Variants in GNG7 observed in about 807,000 individuals in gnomAD.
GNG7 encodes the protein guanine nucleotide-binding protein G(I)/G(S)/G(O) subunit gamma-7.
GNG7 carries 1 observed loss-of-function variant against 4.0 expected under a neutral mutation model. That is an observed-to-expected ratio of 0.25 (90% confidence interval 0.09 to 1.18). The LOEUF is 1.18. Among genes scored for constraint, GNG7 ranks in the 50% most tolerant of loss-of-function variants. GNG7 has a pLI of 0.50. For missense variants in GNG7, 86 were observed against 91.9 expected (o/e 0.94, Z 0.26); for synonymous variants, 34 against 36.9 (o/e 0.92, Z 0.29).
In GNG7 at chr19:2,625,109, G is replaced by A. The variant is rs150559433; in HGVS notation, c.-78+21115C>T. Among the ~76,000 whole-genome samples the A allele has an allele frequency of 9.1e-4, 138 of 152,198 alleles. No homozygotes were observed. In the East Asian group the frequency reaches 0.02, roughly 22 times the overall value. On this transcript the variant is annotated intron_variant, in intron 2 of 4. Transcript: ENST00000382159. ...TTTTGAGACAAGATCTTGCTCTGTC[G>A]CCAGGCTGGAGTGCAGTGGTGCGAT...
intron 2 of GNG7, among the ~76,000 whole-genome samples, chr19:2,602,602 C>A (rs924646323): frequency 6.6e-6 from 1 of 152,248 alleles, no homozygotes; most frequent in African/African-American, 2.4e-5. Context: ...GATCTCCAAC[C>A]GGGCCCCGGA....
chr19:2,553,304 A>C (rs960388577), intron 3 of GNG7, among the ~76,000 whole-genome samples: 1 of 150,748 alleles, frequency 6.6e-6, no homozygotes, highest in Non-Finnish European at 1.5e-5. Flanking sequence ...TCCTAGAAAA[A>C]CGCGAATGAA....
intron 2 of GNG7, among the ~76,000 whole-genome samples, chr19:2,600,296 T>C (rs1981160610): frequency 6.6e-6 from 1 of 151,670 alleles, no homozygotes; most frequent in South Asian, 2.1e-4. Flanking sequence ...AATAGTGGCA[T>C]TGTTTTACAT....
chr19:2,568,078 T>C (rs1162200385), intron 2 of GNG7, among the ~76,000 whole-genome samples: 2 of 148,458 alleles, frequency 1.3e-5, no homozygotes, highest in African/African-American at 5.0e-5. Flanking sequence ...TACACACATA[T>C]ACACATGCAC....
At chr19:2,616,736 C>G (rs558477124) in intron 2 of GNG7, among the ~76,000 whole-genome samples, 1 of 151,968 alleles carries the variant, frequency 6.6e-6, no homozygotes, top group Non-Finnish European at 1.5e-5. Context: ...GCCGAGATCA[C>G]GCCATCGCAC....
At chr19:2,669,967 G>A (rs1283907791) in intron 1 of GNG7, among the ~76,000 whole-genome samples, 6 of 147,970 alleles carry the variant, frequency 4.1e-5, no homozygotes, top group Admixed American at 1.4e-4. Context: ...CTGAGATCGC[G>A]CCAATGCACT....
chr19:2,663,977 G>A (rs1983241815), intron 1 of GNG7, among the ~76,000 whole-genome samples: 1 of 152,184 alleles, frequency 6.6e-6, no homozygotes, highest in Admixed American at 6.5e-5. Flanking sequence ...AATGTCCCCA[G>A]ACATTACCAG....
At chr19:2,646,708 A>G (rs1163727669) in intron 1 of GNG7, among the ~76,000 whole-genome samples, 2 of 151,972 alleles carry the variant, frequency 1.3e-5, no homozygotes, top group Non-Finnish European at 2.9e-5. Flanking sequence ...ATAGAAAAGG[A>G]AAAAAGCAGA....
intron 2 of GNG7, among the ~76,000 whole-genome samples, chr19:2,629,142 A>T (rs757095317): frequency 3.9e-5 from 6 of 152,236 alleles, no homozygotes; most frequent in Non-Finnish European, 5.9e-5. Flanking sequence ...CACAGAGAAA[A>T]CAGCAAAGAA....
At chr19:2,570,127 C>G (rs1177323541) in intron 2 of GNG7, among the ~76,000 whole-genome samples, 1 of 152,016 alleles carries the variant, frequency 6.6e-6, no homozygotes. Context: ...CACGGACGAC[C>G]TGGTTGTTAA....
At chr19:2,561,518 AC>A (rs1979740371) in intron 2 of GNG7, among the ~76,000 whole-genome samples, 1 of 151,376 alleles carries the variant, frequency 6.6e-6, no homozygotes, top group Non-Finnish European at 1.5e-5. Flanking sequence ...TGGGTCTTTG[AC>A]CCTCCCAGCT....
Position 2,543,574 on chromosome 19 carries a change from C to T in GNG7, c.-38+11575G>A, listed in dbSNP as rs77275322. On this transcript the variant is annotated intron_variant, in intron 3 of 4. Coordinates refer to ENST00000382159, the MANE Select transcript of GNG7 (RefSeq NM_052847.3). The stretch of plus-strand genomic sequence containing the variant: ...GAGATGAGGGTGCAGCATTAAAACC[C>T]GTGCAGAGGGTGGCTGCTTCTCCAT... Among the ~76,000 whole-genome samples the T allele has an allele frequency of 5.6e-3, 853 of 152,162 alleles. 8 individuals are homozygous for T. The highest frequency in any genetic ancestry group is 0.019 in the African/African-American group (809 of 41,518).
At chr19:2,539,838 C>T (rs74176399) in intron 3 of GNG7, among the ~76,000 whole-genome samples, 46,011 of 150,010 alleles carry the variant, frequency 0.31, 7,343 homozygotes, top group East Asian at 0.6. Flanking sequence ...TCACACCTCT[C>T]CTTTCTCCTT....
chr19:2,659,186 G>A (rs1483501806), intron 1 of GNG7, among the ~76,000 whole-genome samples: 6 of 151,922 alleles, frequency 3.9e-5, no homozygotes, highest in African/African-American at 1.4e-4. Flanking sequence ...AGCCAGGATG[G>A]TCTCAATCTC....
At chr19:2,688,704 C>G (rs1913061093) in intron 1 of GNG7, among the ~76,000 whole-genome samples, 1 of 151,950 alleles carries the variant, frequency 6.6e-6, no homozygotes, top group African/African-American at 2.4e-5. Flanking sequence ...CTAGATGGGT[C>G]CTGGGGCAGG....
intron 2 of GNG7, among the ~76,000 whole-genome samples, chr19:2,606,470 C>T (rs1421544382): frequency 6.6e-6 from 1 of 151,912 alleles, no homozygotes; most frequent in East Asian, 1.9e-4. Flanking sequence ...GCCTGACCAA[C>T]ATGGAGAAAC....
At chr19:2,662,134 C>T (rs773498661) in intron 1 of GNG7, among the ~76,000 whole-genome samples, 33 of 151,984 alleles carry the variant, frequency 2.2e-4, no homozygotes, top group Non-Finnish European at 4.1e-4. Context: ...GTTGTGGGCA[C>T]CTGTAATCTC....
chr19:2,549,752 G>A (rs1298360320), intron 3 of GNG7, among the ~76,000 whole-genome samples: 2 of 152,156 alleles, frequency 1.3e-5, no homozygotes, highest in Non-Finnish European at 2.9e-5. Flanking sequence ...ACACAAGGCT[G>A]CTGTGTCTGG....
chr19:2,537,319 C>T (rs1034320612), intron 3 of GNG7, among the ~76,000 whole-genome samples: 2 of 152,126 alleles, frequency 1.3e-5, no homozygotes, highest in Non-Finnish European at 2.9e-5. Context: ...AATCATAGCT[C>T]ACTGCAGCCT....
Sources: allele counts gnomAD v4.1 joint callset (sites outside exome capture counted in the v4.1 genomes callset), GRCh38; gene constraint gnomAD v4.1.1; transcripts MANE v1.5; gene names NCBI Gene and HGNC (gene_info 2026-07-23, HGNC 2026-07-21).